SRR: variants seen among roughly 807,000 people sequenced by gnomAD.
SRR encodes D-serine ammonia-lyase.
SRR carries 19 observed loss-of-function variants against 32.7 expected under a neutral mutation model. The ratio of observed to expected loss-of-function variants is 0.58; its 90% CI spans 0.40 to 0.85. The LOEUF is 0.85. Among genes scored for constraint, SRR ranks in the 40% least tolerant of loss-of-function variants. The pLI, the probability that SRR is intolerant of heterozygous loss-of-function variation, is 0.00. For missense variants in SRR, 373 were observed against 404.7 expected (o/e 0.92, Z 0.67); for synonymous variants, 142 against 140.9 (o/e 1.01, Z -0.06).
At chr17:2,318,620 T>A (rs948955590) in intron 3 of SRR, among the ~76,000 whole-genome samples, 1 of 8,626 alleles carries the variant, frequency 1.2e-4, no homozygotes, top group African/African-American at 4.4e-4. Flanking sequence ...TGCCTGGCTA[T>A]TTTTTTTTTT....
At chr17:2,317,837 C>A in intron 2 of SRR, 33 bp from the exon 3 acceptor site, 2 of 1,597,758 alleles carry the variant, frequency 1.3e-6, no homozygotes, top group South Asian at 2.2e-5. Flanking sequence ...ATGTTTTAAT[C>A]AAATATGTGA....
chr17:2,323,926 T>C lies in SRR; in HGVS notation c.*53T>C, dbSNP rs1392191526. On this transcript the variant is annotated 3_prime_UTR_variant, in exon 8 of 8. Transcript: ENST00000344595. ...CAGTGTCTTTAGATACTGAAGACATTTTGTTTCCTAGTATTGTCAACTCTT... is the reference window on the plus strand; with the variant it reads ...CAGTGTCTTTAGATACTGAAGACATCTTGTTTCCTAGTATTGTCAACTCTT... The C allele has an allele frequency of 3.3e-6, 5 of 1,508,192 alleles. No homozygotes were observed. The highest frequency in any genetic ancestry group is 1.7e-4 in the Middle Eastern group (1 of 5,858). 93.4% of individuals were successfully genotyped at this position (1,508,192 alleles called of 1,614,324 possible). A position where few individuals can be genotyped will look rare whatever the true frequency, so the allele number is the denominator to read the frequency against.
Position 2,324,260 on chromosome 17 carries a change from G to A in SRR, c.*387G>A, listed in dbSNP as rs778676942. 1 of 1,548,288 alleles carries A rather than the reference G, an allele frequency of 6.5e-7. No individual in the cohort carries two copies. The highest frequency in any genetic ancestry group is 2.1e-5 in the Admixed American group (1 of 47,182). ...ACTTTTCAGCCAGGGTACTGGTTCT[G>A]GTACATATGGATCATAAGTCCATTT... On this transcript the variant is annotated 3_prime_UTR_variant, in exon 8 of 8. Coordinates refer to ENST00000344595, the MANE Select transcript of SRR (RefSeq NM_021947.3).
chr17:2,314,720 T>C (rs2075458269), intron 1 of SRR, among the ~76,000 whole-genome samples: 1 of 149,886 alleles, frequency 6.7e-6, no homozygotes, highest in Non-Finnish European at 1.5e-5. Context: ...ACCAGTGCAC[T>C]CCAGCCGGGA....
At chr17:2,322,061 G>A (rs534700041) in intron 6 of SRR, among the ~76,000 whole-genome samples, 6 of 152,290 alleles carry the variant, frequency 3.9e-5, no homozygotes, top group Admixed American at 2.6e-4. Context: ...GATTACAGGC[G>A]TGAGCCACTG....
At chr17:2,315,449 A>G (rs2075465578) in intron 1 of SRR, 108 bp from the exon 2 acceptor site, 2 of 1,062,524 alleles carry the variant, frequency 1.9e-6, no homozygotes, top group Non-Finnish European at 2.6e-6. Context: ...GAATTTCCAC[A>G]TGACACCACA....
intron 1 of SRR, among the ~76,000 whole-genome samples, chr17:2,310,408 G>A (rs1358397587): frequency 6.6e-6 from 1 of 152,056 alleles, no homozygotes; most frequent in Non-Finnish European, 1.5e-5. Context: ...TAGAGATAGG[G>A]TTTCAACGTG....
At position 2,315,607 on chromosome 17, in the gene SRR, A is replaced by C. The variant is rs1170862651; in HGVS notation, c.47A>C (p.His16Pro). The C allele has an allele frequency of 6.2e-6, 10 of 1,613,982 alleles. No individual in the cohort carries two copies. Among genetic ancestry groups the C allele is most frequent in the African/African-American group, 1.3e-5 (1 of 74,922 alleles). ...CISFADVEKA[H>P]INIRDSIHLT... ...TCCTTTGCTGATGTTGAAAAAGCTC[A>C]TATCAACATTCGAGATTCTATCCAC... Residue 16 changes from histidine to proline, a missense_variant, in exon 2 of 8, where the codon CAT becomes CCT. Physicochemically the swap from His to Pro is moderately conservative, Grantham distance 77. Transcript: ENST00000344595.
intron 6 of SRR, chr17:2,322,778 A>C: frequency 4.1e-6 from 1 of 242,746 alleles, no homozygotes; most frequent in Non-Finnish European, 8.2e-6. Context: ...GGCCTCCCAA[A>C]GTGCTGGGAT....
In SRR at chr17:2,318,902, A is replaced by C; in HGVS notation, c.372A>C (p.Ser124=). The C allele has an allele frequency of 6.2e-7, 1 of 1,613,642 alleles. No individual in the cohort carries two copies. ...KKLAIQAYGA[S]IVYCEPSDES... ...TTGCAATACAAGCCTACGGAGCGTC[A>C]ATTGTATACTGTGAACCTAGTGATG... Residue 124 remains serine, a synonymous_variant, in exon 4 of 8, where the codon TCA becomes TCC. Coordinates refer to ENST00000344595, the MANE Select transcript of SRR (RefSeq NM_021947.3).
intron 2 of SRR, among the ~76,000 whole-genome samples, chr17:2,317,189 G>A (rs2075480861): frequency 7.4e-6 from 1 of 134,240 alleles, no homozygotes; most frequent in Non-Finnish European, 1.6e-5. Flanking sequence ...GGTGATAGAG[G>A]AAGACTCCAT....
chr17:2,303,737 A>G (rs899017503), upstream of SRR: 11 of 1,488,160 alleles, frequency 7.4e-6, no homozygotes, highest in African/African-American at 1.5e-4. Flanking sequence ...GGCTGCTGCT[A>G]CAGCCGTAGC....
chr17:2,308,656 A>G lies in SRR; in HGVS notation c.-5+4639A>G, dbSNP rs185985371. On this transcript the variant is annotated intron_variant, in intron 1 of 7. Coordinates refer to ENST00000344595, the MANE Select transcript of SRR (RefSeq NM_021947.3). ...GGTGGATCACAAGGTCAAGAGATCA[A>G]GACTATCCTGGCCAATTAGCTGGGC... 6.0e-4 allele frequency among the ~76,000 whole-genome samples: 92 copies of G among 152,162 alleles called. 1 individual carries two copies. The East Asian group carries it at 0.015, about 25-fold the overall frequency.
rs775739226 is a variant in SRR, at chr17:2,318,848, G to A, written c.318G>A (p.Val106=). The stretch of plus-strand genomic sequence containing the variant: ...CAGGAATTCCTGCTTATATTGTGGT[G>A]CCCCAGACAGCTCCAGACTGTAAAA... ...KLEGIPAYIV[V]PQTAPDCKKL... Residue 106 remains valine, a synonymous_variant, in exon 4 of 8, where the codon GTG becomes GTA. Coordinates refer to ENST00000344595, the MANE Select transcript of SRR (RefSeq NM_021947.3). 6.2e-7 allele frequency: 1 copy of A among 1,613,368 alleles called. No individual in the cohort carries two copies. The highest frequency in any genetic ancestry group is 8.5e-7 in the Non-Finnish European group (1 of 1,179,642).
intron 1 of SRR, chr17:2,307,276 C>T: frequency 8.7e-7 from 1 of 1,151,328 alleles, no homozygotes; most frequent in Non-Finnish European, 1.3e-6. Flanking sequence ...TGTGAATGGC[C>T]ACAACTGTGA....
In SRR at chr17:2,321,305, G is replaced by C; in HGVS notation, c.400-1G>C. 6.2e-7 allele frequency: 1 copy of C among 1,613,518 alleles called. No individual in the cohort carries two copies. Among genetic ancestry groups the C allele is most frequent in the Non-Finnish European group, 8.5e-7 (1 of 1,179,890 alleles). On this transcript the variant is annotated splice_acceptor_variant, in intron 4 of 7. Coordinates refer to ENST00000344595, the MANE Select transcript of SRR (RefSeq NM_021947.3). LOFTEE classifies it high-confidence loss of function. ...ATTAAGCTAAATTAATGTACTTTCAGTCCAGAGAAAATGTTGCAAAAAGAG... is the reference window on the plus strand; with the variant it reads ...ATTAAGCTAAATTAATGTACTTTCACTCCAGAGAAAATGTTGCAAAAAGAG...
rs1458161251 is a variant in SRR at position 2,323,186 on chromosome 17, T to C, written c.645T>C (p.Asp215=). The change falls in exon 7 of 8, where the codon GAT becomes GAC. Residue 215 remains aspartate (D), a synonymous_variant. Transcript: ENST00000344595. ...KVYAAEPSNA[D]DCYQSKLKGK... ...ATGCTGCTGAACCCTCAAATGCAGA[T>C]GACTGCTACCAGTCCAAGCTGAAGG... 3.1e-6 allele frequency: 5 copies of C among 1,614,246 alleles called. No individual in the cohort carries two copies. The highest frequency in any genetic ancestry group is 4.2e-6 in the Non-Finnish European group (5 of 1,180,044).
intron 1 of SRR, chr17:2,307,674 G>T: frequency 1.0e-6 from 1 of 981,946 alleles, no homozygotes; most frequent in African/African-American, 1.6e-5. Context: ...TGGCTATGGC[G>T]GTTCCAGTAG....
rs2273983 is a variant in SRR at position 2,324,694 on chromosome 17, T to C, written c.*821T>C. The C allele has an allele frequency of 2.3e-4, 375 of 1,614,126 alleles. 3 individuals carry two copies. The East Asian group carries it at 7.3e-3, about 32-fold the overall frequency. ...TCCTCCTCCTTCATACCCACCTCTG[T>C]TGAAGAACATGTAACGTACTACTGC... is the stretch of plus-strand genomic sequence containing the variant. On this transcript the variant is annotated 3_prime_UTR_variant, in exon 8 of 8. Coordinates refer to ENST00000344595, the MANE Select transcript of SRR (RefSeq NM_021947.3).
Sources: gnomAD v4.1 joint callset for allele counts (sites outside exome capture counted in the v4.1 genomes callset) on GRCh38, gnomAD v4.1.1 for gene constraint, MANE v1.5 for transcripts, NCBI Gene and HGNC (gene_info 2026-07-23, HGNC 2026-07-21) for gene names.